Variants in ITGAE observed in about 807,000 individuals in gnomAD.
ITGAE encodes the protein integrin alpha-E.
A neutral mutation model predicts 136.5 loss-of-function variants in ITGAE; 99 were observed. The observed-to-expected ratio is 0.73, with a 90% CI of 0.62 to 0.86. The LOEUF (loss-of-function observed/expected upper bound fraction) is 0.86, where lower values mean the gene tolerates loss of function less well. Among genes scored for constraint, ITGAE ranks in the 40% least tolerant of loss-of-function variants. ITGAE has a pLI of 0.00. For synonymous variants in ITGAE, 613 were observed against 591.8 expected (o/e 1.04, Z -0.52); for missense variants, 1,447 against 1,515.3 (o/e 0.95, Z 0.75).
At chr17:3,747,004 C>CT (rs2051733104) in intron 17 of ITGAE, among the ~76,000 whole-genome samples, 1 of 152,224 alleles carries the variant, frequency 6.6e-6, no homozygotes, top group Non-Finnish European at 1.5e-5. Context: ...TCAGAGATTG[C>CT]TCCTGAGAGA....
intron 2 of ITGAE, among the ~76,000 whole-genome samples, chr17:3,773,134 T>G (rs941377282): frequency 1.1e-4 from 16 of 152,184 alleles, no homozygotes; most frequent in African/African-American, 3.9e-4. Context: ...TCCTTGGGCT[T>G]AATTTGCTAG....
chr17:3,716,704 A>G lies in ITGAE; in HGVS notation c.3428T>C (p.Leu1143Pro). 6.3e-7 allele frequency: 1 copy of G among 1,596,896 alleles called. No individual in the cohort carries two copies. Among genetic ancestry groups the G allele is most frequent in the Non-Finnish European group, 8.6e-7 (1 of 1,164,296 alleles). The change falls in exon 30 of 31, where the codon CTG becomes CCG. Residue 1143 changes from leucine to proline, a missense_variant. Around this residue, in one of 3 missense-constraint regions of ITGAE, gnomAD observed 1,031 missense variants for 1,011.4 expected, o/e 1.02. Transcript: ENST00000263087. ...VGGLLVLIVILVILFKCGFFK... is the reference protein window; with the variant it reads ...VGGLLVLIVIPVILFKCGFFK... ...AGAACTGACCTTGAACAGGATGACC[A>G]GAATCACGATCAACACCAGAAGTCC...
At position 3,798,450 on chromosome 17, in the gene ITGAE, C is replaced by T. The variant is rs969536315; in HGVS notation, c.34+2661G>A. 1.3e-5 allele frequency among the ~76,000 whole-genome samples: 2 copies of T among 152,110 alleles called. No homozygotes were observed. Among genetic ancestry groups the T allele is most frequent in the Non-Finnish European group, 2.9e-5 (2 of 68,008 alleles). On this transcript the variant is annotated intron_variant, in intron 1 of 30. Coordinates refer to ENST00000263087, the MANE Select transcript of ITGAE (RefSeq NM_002208.5). The surrounding 1 kb of genome is among the most constrained non-coding windows in gnomAD (Gnocchi z 4.3). ...TCCTACAAACCAGACTCTTCACACC[C>T]CAGGGCTTGGTCCCTCCTATCCCCC...
intron 6 of ITGAE, 53 bp from the exon 7 acceptor site, chr17:3,760,340 G>C (rs954806139): frequency 9.3e-7 from 1 of 1,080,268 alleles, no homozygotes; most frequent in African/African-American, 1.6e-5. Flanking sequence ...GCAGATGTAA[G>C]GGTAGCATGT....
intron 8 of ITGAE, 77 bp downstream of exon 8, chr17:3,759,325 C>CT: frequency 6.5e-7 from 1 of 1,540,262 alleles, no homozygotes; most frequent in Non-Finnish European, 8.9e-7. Context: ...GCGGTTCTGG[C>CT]CAGCCACTTC....
chr17:3,742,187 C>G (rs1482908923), intron 19 of ITGAE, among the ~76,000 whole-genome samples: 1 of 152,148 alleles, frequency 6.6e-6, no homozygotes, highest in Non-Finnish European at 1.5e-5. Flanking sequence ...ATGTTAATGT[C>G]ATTAAAAGAC....
In ITGAE at chr17:3,745,880, TC is replaced by T. The variant is rs780471251; in HGVS notation, c.2202del (p.Lys735SerfsTer11). On this transcript the variant is annotated frameshift_variant, in exon 18 of 31. Coordinates refer to ENST00000263087, the MANE Select transcript of ITGAE (RefSeq NM_002208.5). LOFTEE classifies it high-confidence loss of function. Reference protein sequence around the residue: ...LLNFTLDVDVGKQRRRLQCSD... With the variant: ...LLNFTLDVDVXKQRRRLQCSD... ...GAACACTGCAGCCGTCTCCTCTGCT[TC>T]CCCACATCCACATCCAGCGTGAAGT... 7.4e-6 allele frequency: 12 copies of T among 1,613,772 alleles called. No homozygotes were observed. Among genetic ancestry groups the T allele is most frequent in the Non-Finnish European group, 1.0e-5 (12 of 1,179,990 alleles).
intron 2 of ITGAE, among the ~76,000 whole-genome samples, chr17:3,764,654 G>A (rs1424072199): frequency 6.6e-6 from 1 of 152,148 alleles, no homozygotes; most frequent in Non-Finnish European, 1.5e-5. Context: ...CGGAGATCAC[G>A]CCACTGCACT....
intron 2 of ITGAE, among the ~76,000 whole-genome samples, chr17:3,767,082 C>G (rs998140752): frequency 6.6e-6 from 1 of 151,576 alleles, no homozygotes; most frequent in Non-Finnish European, 1.5e-5. Flanking sequence ...TTGGTTCTCT[C>G]TCCAAATTCT....
chr17:3,757,457 C>A (rs900401539), intron 9 of ITGAE, among the ~76,000 whole-genome samples: 7 of 152,182 alleles, frequency 4.6e-5, no homozygotes, highest in African/African-American at 1.7e-4. Flanking sequence ...CTTGGCACCG[C>A]GGTCCTCCAG....
At chr17:3,740,366 G>GT (rs1295179754) in intron 19 of ITGAE, among the ~76,000 whole-genome samples, 2 of 152,144 alleles carry the variant, frequency 1.3e-5, no homozygotes, top group African/African-American at 2.4e-5. Flanking sequence ...CTAGTCATCT[G>GT]TTTTTTCGGT....
chr17:3,760,982 C>G (rs1157483761), intron 6 of ITGAE, 31 bp downstream of exon 6: 2 of 1,585,222 alleles, frequency 1.3e-6, no homozygotes, highest in East Asian at 2.2e-5. Flanking sequence ...CTCTGATAGA[C>G]TCAGAGCAAC....
At chr17:3,772,091 C>A (rs1052030507) in intron 2 of ITGAE, among the ~76,000 whole-genome samples, 1 of 152,158 alleles carries the variant, frequency 6.6e-6, no homozygotes, top group Non-Finnish European at 1.5e-5. Flanking sequence ...CTTACTCAGC[C>A]GGCCTCCAGG....
chr17:3,780,920 T>A (rs1190859790), intron 1 of ITGAE, among the ~76,000 whole-genome samples: 3 of 151,756 alleles, frequency 2.0e-5, no homozygotes, highest in Non-Finnish European at 4.4e-5. Flanking sequence ...CCCAGGCTGG[T>A]CTCCAACTCC....
At chr17:3,787,536 G>C (rs1424909979) in intron 1 of ITGAE, among the ~76,000 whole-genome samples, 1 of 152,172 alleles carries the variant, frequency 6.6e-6, no homozygotes, top group African/African-American at 2.4e-5. Flanking sequence ...GGGTTTCCAG[G>C]TGTGAGCCAC....
intron 23 of ITGAE, 131 bp from the exon 24 acceptor site, chr17:3,729,686 C>T (rs534420882): frequency 1.0e-4 from 69 of 686,178 alleles, no homozygotes; most frequent in Non-Finnish European, 1.7e-4. Flanking sequence ...CCTCCGCCCC[C>T]CGGGTTCAAG....
At chr17:3,762,926 T>C (rs897170723) in intron 3 of ITGAE, among the ~76,000 whole-genome samples, 1 of 151,352 alleles carries the variant, frequency 6.6e-6, no homozygotes, top group African/African-American at 2.4e-5. Flanking sequence ...ACAGTCTTGC[T>C]CTGTTGCCCA....
intron 26 of ITGAE, chr17:3,724,638 C>T (rs774035588): frequency 1.9e-6 from 3 of 1,614,166 alleles, no homozygotes; most frequent in Non-Finnish European, 2.5e-6. Flanking sequence ...CAGGATGGTC[C>T]ACCAAACCCG....
chr17:3,749,413 C>T (rs1012570045), intron 16 of ITGAE, among the ~76,000 whole-genome samples: 3 of 152,164 alleles, frequency 2.0e-5, no homozygotes, highest in East Asian at 1.9e-4. Flanking sequence ...CCACCATGCC[C>T]GGCTAATTTT....
Sources: gnomAD v4.1 joint callset for allele counts (sites outside exome capture counted in the v4.1 genomes callset) on GRCh38, gnomAD v4.1.1 for gene constraint, gnomAD v4.1.1 regional missense constraint, Gnocchi (gnomAD v3.1) non-coding constraint, MANE v1.5 for transcripts, NCBI Gene and HGNC (gene_info 2026-07-23, HGNC 2026-07-21) for gene names.